Variants in CSMD1 observed in about 807,000 individuals in gnomAD.
CSMD1 encodes CUB and sushi domain-containing protein 1.
Under a neutral mutation model 417.5 loss-of-function variants are expected in CSMD1, and 213 were observed. The ratio of observed to expected loss-of-function variants is 0.51; its 90% CI spans 0.46 to 0.57. The LOEUF (loss-of-function observed/expected upper bound fraction) is 0.57. Among genes scored for constraint, CSMD1 ranks in the 20% least tolerant of loss-of-function variants. CSMD1 has a pLI of 0.00. For synonymous variants in CSMD1, 2,862 were observed against 1,736.8 expected, an observed-to-expected ratio of 1.65 and a Z score of -16.11; for missense variants, 6,923 against 4,529.7, an observed-to-expected ratio of 1.53 and a Z score of -15.17.
intron 25 of CSMD1, among the ~76,000 whole-genome samples, chr8:3,295,157 C>T (rs1453718962): frequency 5.3e-5 from 8 of 151,716 alleles, no homozygotes; most frequent in African/African-American, 1.7e-4. Flanking sequence ...TGGAGTCTTG[C>T]TTTGTTGCCC....
chr8:3,006,854 T>C (rs1212242495), intron 52 of CSMD1, among the ~76,000 whole-genome samples: 4 of 144,836 alleles, frequency 2.8e-5, no homozygotes, highest in South Asian at 2.1e-4. Flanking sequence ...ATTCAGGACA[T>C]AGGCATGGGC....
At chr8:4,932,777 A>C (rs1413309115) in intron 1 of CSMD1, among the ~76,000 whole-genome samples, 1 of 152,214 alleles carries the variant, frequency 6.6e-6, no homozygotes, top group Non-Finnish European at 1.5e-5. Context: ...ACTTAAAGGT[A>C]AATTTTTAAA....
At chr8:3,179,121 A>G (rs768141128) in intron 37 of CSMD1, among the ~76,000 whole-genome samples, 27 of 151,048 alleles carry the variant, frequency 1.8e-4, no homozygotes, top group African/African-American at 2.2e-4. Context: ...AATTCTTTGT[A>G]TTTTTAGTAG....
At chr8:4,489,602 T>C (rs926349375) in intron 2 of CSMD1, among the ~76,000 whole-genome samples, 6 of 152,086 alleles carry the variant, frequency 3.9e-5, no homozygotes, top group Non-Finnish European at 8.8e-5. Context: ...ATACCTTCTC[T>C]TTAGTGTGGC....
chr8:3,293,831 C>G (rs962813217), intron 25 of CSMD1, among the ~76,000 whole-genome samples: 5 of 152,214 alleles, frequency 3.3e-5, no homozygotes, highest in African/African-American at 9.6e-5. Context: ...CTCAACTTGT[C>G]AAAGTCATTC....
chr8:4,329,480 AT>A (rs1799747375), intron 3 of CSMD1, among the ~76,000 whole-genome samples: 1 of 152,048 alleles, frequency 6.6e-6, no homozygotes, highest in South Asian at 2.1e-4. Flanking sequence ...GATAGACGGC[AT>A]TTCACCACGT....
At chr8:3,645,178 C>A (rs1455519304) in intron 7 of CSMD1, among the ~76,000 whole-genome samples, 1 of 152,078 alleles carries the variant, frequency 6.6e-6, no homozygotes, top group East Asian at 1.9e-4. Flanking sequence ...CACTCCCTTA[C>A]TTCACTGAGT....
At chr8:4,832,530 T>C (rs1005090068) in intron 1 of CSMD1, among the ~76,000 whole-genome samples, 1 of 152,196 alleles carries the variant, frequency 6.6e-6, no homozygotes, top group African/African-American at 2.4e-5. Flanking sequence ...AGCTAAAACA[T>C]GGAGGCATGA....
intron 51 of CSMD1, among the ~76,000 whole-genome samples, chr8:3,026,897 G>C (rs573675623): frequency 2.0e-5 from 3 of 152,246 alleles, no homozygotes; most frequent in Admixed American, 6.5e-5. Flanking sequence ...GAATGACCTT[G>C]GTAAAGGGGT....
At chr8:3,336,122 G>C (rs1470140327) in intron 23 of CSMD1, among the ~76,000 whole-genome samples, 2 of 151,886 alleles carry the variant, frequency 1.3e-5, no homozygotes, top group South Asian at 2.1e-4. Context: ...CCATGGGCAG[G>C]TTTCTCCAAA....
chr8:4,403,854 T>C (rs1379376787), intron 3 of CSMD1, among the ~76,000 whole-genome samples: 2 of 152,156 alleles, frequency 1.3e-5, no homozygotes, highest in Admixed American at 1.3e-4. Context: ...ATTGGGAATT[T>C]ACATTTAACT....
intron 38 of CSMD1, 32 bp downstream of exon 38, chr8:3,162,125 GTA>G: frequency 7.5e-7 from 1 of 1,326,128 alleles, no homozygotes; most frequent in Non-Finnish European, 1.1e-6. Flanking sequence ...ATGACCATGT[GTA>G]TGTTATTCCT....
intron 3 of CSMD1, among the ~76,000 whole-genome samples, chr8:4,206,042 T>G (rs913643170): frequency 6.6e-6 from 1 of 152,112 alleles, no homozygotes; most frequent in African/African-American, 2.4e-5. Context: ...ATCCATGCCA[T>G]AAATCTTCCC....
chr8:4,934,619 C>T (rs1807473243), intron 1 of CSMD1, among the ~76,000 whole-genome samples: 1 of 149,444 alleles, frequency 6.7e-6, no homozygotes, highest in South Asian at 2.1e-4. Context: ...TTATTTTTCA[C>T]TTATCTACCT....
intron 5 of CSMD1, among the ~76,000 whole-genome samples, chr8:3,777,728 A>G (rs536178968): frequency 6.7e-6 from 1 of 150,366 alleles, no homozygotes; most frequent in Non-Finnish European, 1.5e-5. Context: ...GTCTCAGGCC[A>G]CACTCCAGAC....
At chr8:4,118,202 A>G (rs1040523026) in intron 3 of CSMD1, among the ~76,000 whole-genome samples, 1 of 152,110 alleles carries the variant, frequency 6.6e-6, no homozygotes, top group Non-Finnish European at 1.5e-5. Context: ...ATAGCTATTA[A>G]TATTAAAAAC....
intron 3 of CSMD1, among the ~76,000 whole-genome samples, chr8:4,071,606 G>A (rs1033234206): frequency 1.3e-5 from 2 of 151,956 alleles, no homozygotes; most frequent in African/African-American, 4.8e-5. Context: ...AGTTTTGGGG[G>A]CCTTTTAGTT....
intron 1 of CSMD1, among the ~76,000 whole-genome samples, chr8:4,789,422 A>T (rs570821576): frequency 2.1e-4 from 32 of 152,254 alleles, no homozygotes; most frequent in African/African-American, 7.5e-4. Flanking sequence ...TCTAATATTG[A>T]TAGTACTGTG....
At chr8:3,046,162 T>G (rs1811423194) in intron 50 of CSMD1, among the ~76,000 whole-genome samples, 1 of 152,184 alleles carries the variant, frequency 6.6e-6, no homozygotes, top group Non-Finnish European at 1.5e-5. Flanking sequence ...ATTGCTATGC[T>G]CACAAAGTCA....
Sources: allele counts gnomAD v4.1 joint callset (sites outside exome capture counted in the v4.1 genomes callset), GRCh38; gene constraint gnomAD v4.1.1; transcripts MANE v1.5; gene names NCBI Gene and HGNC (gene_info 2026-07-23, HGNC 2026-07-21).